Variants in FHIP1A observed in about 807,000 individuals in gnomAD.
The protein encoded by FHIP1A is FHF complex subunit HOOK interacting protein 1A.
Under a neutral mutation model 88.6 loss-of-function variants are expected in FHIP1A, and 61 were observed. The observed-to-expected ratio is 0.69, with a 90% confidence interval of 0.56 to 0.85. FHIP1A has a LOEUF of 0.85. Among genes scored for constraint, FHIP1A ranks in the 40% least tolerant of loss-of-function variants. FHIP1A has a pLI of 0.00. For synonymous variants in FHIP1A, 478 were observed against 496.0 expected (o/e 0.96, Z 0.48); for missense variants, 1,154 against 1,273.5 (o/e 0.91, Z 1.43).
intron 1 of FHIP1A, among the ~76,000 whole-genome samples, chr4:151,430,629 G>A (rs1455996167): frequency 1.3e-5 from 2 of 152,150 alleles, no homozygotes; most frequent in African/African-American, 4.8e-5. Flanking sequence ...ACACATATAT[G>A]TCTTTGCCTT....
At chr4:151,418,233 A>C (rs1224104545) in intron 1 of FHIP1A, among the ~76,000 whole-genome samples, 2 of 148,874 alleles carry the variant, frequency 1.3e-5, no homozygotes, top group South Asian at 4.3e-4. Flanking sequence ...ATTGACTTTG[A>C]TCTGTTTCAG....
intron 3 of FHIP1A, among the ~76,000 whole-genome samples, chr4:151,540,390 TA>T (rs1206419328): frequency 1.3e-5 from 2 of 152,350 alleles, no homozygotes; most frequent in East Asian, 3.9e-4. Flanking sequence ...ATACCTCATA[TA>T]TTTTTTTAAG....
intron 3 of FHIP1A, among the ~76,000 whole-genome samples, chr4:151,491,840 C>G (rs1230621434): frequency 6.6e-6 from 1 of 152,018 alleles, no homozygotes; most frequent in Non-Finnish European, 1.5e-5. Context: ...CAAAAGCAAG[C>G]AGGAGTAGCT....
chr4:151,617,766 A>G (rs998774941), intron 7 of FHIP1A, among the ~76,000 whole-genome samples: 10 of 152,128 alleles, frequency 6.6e-5, no homozygotes, highest in African/African-American at 2.4e-4. Context: ...TGTGCCTGTA[A>G]TCCCAGCTAC....
At chr4:151,578,623 A>G (rs1387898920) in intron 5 of FHIP1A, among the ~76,000 whole-genome samples, 1 of 152,222 alleles carries the variant, frequency 6.6e-6, no homozygotes, top group Non-Finnish European at 1.5e-5. Flanking sequence ...GTGGAGGAGT[A>G]GAAACTCTCA....
rs1041035240 is a variant in FHIP1A at position 151,663,012 on chromosome 4, T to C, written c.*258T>C. 2.0e-5 allele frequency: 7 copies of C among 351,510 alleles called. No individual in the cohort carries two copies. The highest frequency in any genetic ancestry group is 1.3e-4 in the Admixed American group (3 of 22,712). The allele number at this position is 351,510 out of a possible 1,614,324, so 21.8% of individuals were successfully genotyped here. On this transcript the variant is annotated 3_prime_UTR_variant, in exon 14 of 14. Coordinates refer to ENST00000435205, the MANE Select transcript of FHIP1A (RefSeq NM_001109977.3). ...TTCTTTGCTCTGTTTTTCCTCCTTA[T>C]ATTTTTTTGGTTGTCATTCTCCTAT...
intron 3 of FHIP1A, among the ~76,000 whole-genome samples, chr4:151,517,104 A>G (rs1342863556): frequency 6.6e-6 from 1 of 152,234 alleles, no homozygotes; most frequent in Non-Finnish European, 1.5e-5. Context: ...CATATGCACC[A>G]TGGAATACTA....
chr4:151,590,569 T>G (rs1473305), intron 7 of FHIP1A, among the ~76,000 whole-genome samples: 43,331 of 152,060 alleles, frequency 0.28, 6,402 homozygotes, highest in Non-Finnish European at 0.33. Flanking sequence ...GTGCTTTCAG[T>G]TATGGCATAT....
intron 3 of FHIP1A, among the ~76,000 whole-genome samples, chr4:151,560,254 A>G (rs748327505): frequency 7.2e-5 from 11 of 152,182 alleles, no homozygotes; most frequent in Non-Finnish European, 1.2e-4. Flanking sequence ...GGATAACACT[A>G]CAGGTTGCAA....
chr4:151,571,095 C>T (rs1346597064), intron 4 of FHIP1A, among the ~76,000 whole-genome samples: 1 of 152,190 alleles, frequency 6.6e-6, no homozygotes, highest in African/African-American at 2.4e-5. Flanking sequence ...ATTCCCTACA[C>T]TAGTTATTTT....
intron 7 of FHIP1A, among the ~76,000 whole-genome samples, chr4:151,626,878 G>A (rs1578835201): frequency 1.3e-5 from 2 of 152,206 alleles, no homozygotes; most frequent in African/African-American, 4.8e-5. Flanking sequence ...ATTCTGCACA[G>A]CAGAGCATCT....
At chr4:151,533,620 C>G (rs1347055935) in intron 3 of FHIP1A, among the ~76,000 whole-genome samples, 4 of 152,136 alleles carry the variant, frequency 2.6e-5, no homozygotes, top group Admixed American at 2.6e-4. Context: ...AGCCCCTGTT[C>G]AGATAGAATA....
At chr4:151,515,195 G>C (rs1731182481) in intron 3 of FHIP1A, among the ~76,000 whole-genome samples, 2 of 151,930 alleles carry the variant, frequency 1.3e-5, no homozygotes, top group South Asian at 2.1e-4. Context: ...CAGAACCAAA[G>C]ACAAAAACCA....
intron 4 of FHIP1A, among the ~76,000 whole-genome samples, chr4:151,572,502 C>T (rs755825900): frequency 2.6e-5 from 4 of 152,178 alleles, no homozygotes; most frequent in Admixed American, 6.5e-5. Context: ...AGAGGTCTCC[C>T]TGTGGAAACA....
chr4:151,426,561 A>G (rs1472833125), intron 1 of FHIP1A, among the ~76,000 whole-genome samples: 3 of 152,196 alleles, frequency 2.0e-5, no homozygotes, highest in Non-Finnish European at 4.4e-5. Flanking sequence ...CTATTGGTGA[A>G]TGAATGAAGT....
At chr4:151,592,237 C>A (rs1231671894) in intron 7 of FHIP1A, among the ~76,000 whole-genome samples, 1 of 152,088 alleles carries the variant, frequency 6.6e-6, no homozygotes, top group East Asian at 1.9e-4. Context: ...CAGGTTCATG[C>A]GATTCTCCTG....
chr4:151,490,365 G>GGTCT (rs1730239250), intron 3 of FHIP1A, among the ~76,000 whole-genome samples: 1 of 152,188 alleles, frequency 6.6e-6, no homozygotes, highest in Non-Finnish European at 1.5e-5. Flanking sequence ...CACCAGCCCA[G>GGTCT]AGCCTGGTAG....
chr4:151,579,175 TAC>T (rs1161330742), intron 5 of FHIP1A, among the ~76,000 whole-genome samples: 3 of 152,204 alleles, frequency 2.0e-5, no homozygotes, highest in Non-Finnish European at 4.4e-5. Context: ...GAATGGTGGG[TAC>T]ATGTCAATAT....
intron 3 of FHIP1A, among the ~76,000 whole-genome samples, chr4:151,498,731 C>T (rs928981098): frequency 2.0e-5 from 3 of 152,214 alleles, no homozygotes; most frequent in Admixed American, 1.3e-4. Flanking sequence ...AGGAGAATGG[C>T]ATGAACCCAG....
Sources: gnomAD v4.1 joint callset for allele counts (sites outside exome capture counted in the v4.1 genomes callset) on GRCh38, gnomAD v4.1.1 for gene constraint, MANE v1.5 for transcripts, NCBI Gene and HGNC (gene_info 2026-07-23, HGNC 2026-07-21) for gene names.